PNPLA8: variants seen among roughly 807,000 people sequenced by gnomAD.
PNPLA8 encodes the protein calcium-independent phospholipase A2-gamma.
Under a neutral mutation model 76.9 loss-of-function variants are expected in PNPLA8, and 39 were observed. That is an observed-to-expected ratio of 0.51 (90% CI 0.39 to 0.66). The LOEUF is 0.66. PNPLA8 is among the 30% of genes least tolerant of loss of function. PNPLA8 has a pLI of 0.00. For synonymous variants in PNPLA8, 301 were observed against 307.9 expected (o/e 0.98, Z 0.24); for missense variants, 887 against 918.0 (o/e 0.97, Z 0.44).
intron 10 of PNPLA8, among the ~76,000 whole-genome samples, chr7:108,473,631 C>T (rs1403061608): frequency 6.6e-6 from 1 of 152,194 alleles, no homozygotes; most frequent in Non-Finnish European, 1.5e-5. Context: ...TTTTATTTCC[C>T]TAATGACTAA....
chr7:108,478,246 G>C (rs1223788616), intron 10 of PNPLA8, among the ~76,000 whole-genome samples: 3 of 152,132 alleles, frequency 2.0e-5, no homozygotes, highest in Non-Finnish European at 2.9e-5. Context: ...TATAGAGAGA[G>C]AGTACAGCAA....
intron 5 of PNPLA8, among the ~76,000 whole-genome samples, chr7:108,498,536 G>A (rs1861726218): frequency 6.6e-6 from 1 of 151,574 alleles, no homozygotes; most frequent in South Asian, 2.1e-4. Context: ...GCCTCCCAAA[G>A]TGCTAAGATT....
In PNPLA8 at chr7:108,482,442, G is replaced by A. The variant is rs537086989; in HGVS notation, c.1879-3063C>T. ...AGCTGAGATTGTGCCACTGCACTCC[G>A]GCCTGGGCACCAGAGTGAGACTCTG... is the stretch of plus-strand genomic sequence containing the variant. On this transcript the variant is annotated intron_variant, in intron 9 of 10. Coordinates refer to ENST00000257694, the MANE Select transcript of PNPLA8 (RefSeq NM_001256007.3). Among the ~76,000 whole-genome samples, 21 of 152,224 alleles carry A rather than the reference G, an allele frequency of 1.4e-4. No individual in the cohort carries two copies. The East Asian group carries it at 2.5e-3, about 18-fold the overall frequency.
chr7:108,526,849 A>G (rs1864116487), upstream of PNPLA8, among the ~76,000 whole-genome samples: 1 of 152,240 alleles, frequency 6.6e-6, no homozygotes, highest in Admixed American at 6.5e-5. Flanking sequence ...GTTCTGCTGT[A>G]CTAGGAGCTA....
intron 4 of PNPLA8, among the ~76,000 whole-genome samples, chr7:108,509,727 C>T (rs1386223841): frequency 1.2e-4 from 18 of 150,934 alleles, no homozygotes; most frequent in African/African-American, 2.2e-4. Flanking sequence ...CACATGCACA[C>T]GTATGTTTAT....
At chr7:108,490,965 T>C (rs1031221533) in intron 8 of PNPLA8, among the ~76,000 whole-genome samples, 1 of 152,214 alleles carries the variant, frequency 6.6e-6, no homozygotes, top group Non-Finnish European at 1.5e-5. Flanking sequence ...CTTCATAGAA[T>C]GACTCAATAT....
At chr7:108,503,977 G>GA (rs1862147991) in intron 4 of PNPLA8, among the ~76,000 whole-genome samples, 1 of 152,160 alleles carries the variant, frequency 6.6e-6, no homozygotes, top group South Asian at 2.1e-4. Context: ...GAAGACCTCT[G>GA]AAAATCAGAG....
chr7:108,497,679 G>T, intron 5 of PNPLA8, 102 bp from the exon 6 acceptor site: 1 of 520,148 alleles, frequency 1.9e-6, no homozygotes, highest in Non-Finnish European at 3.2e-6. Context: ...GAGTTTATAT[G>T]CTAACATGAA....
intron 5 of PNPLA8, among the ~76,000 whole-genome samples, chr7:108,497,832 T>G (rs1219729461): frequency 6.6e-6 from 1 of 151,786 alleles, no homozygotes; most frequent in East Asian, 1.9e-4. Context: ...CTCTCTTGTT[T>G]TTTCACTGAA....
chr7:108,517,876 C>A (rs1432677802), intron 2 of PNPLA8, among the ~76,000 whole-genome samples: 1 of 152,158 alleles, frequency 6.6e-6, no homozygotes, highest in Non-Finnish European at 1.5e-5. Flanking sequence ...TGGGCTCGTG[C>A]AATCCACCTG....
chr7:108,485,458 A>T (rs1860680679), intron 9 of PNPLA8, among the ~76,000 whole-genome samples: 1 of 152,156 alleles, frequency 6.6e-6, no homozygotes, highest in South Asian at 2.1e-4. Flanking sequence ...TAGAATATTA[A>T]TTAACCTCTA....
At chr7:108,526,887 TAAAA>T (rs34383036), upstream of PNPLA8, among the ~76,000 whole-genome samples, 1 of 151,664 alleles carries the variant, frequency 6.6e-6, no homozygotes, top group African/African-American at 2.4e-5. Flanking sequence ...TTTCAAAGGT[TAAAA>T]AAAAAGTTTT....
At position 108,504,943 on chromosome 7, in the gene PNPLA8, G is replaced by A. The variant is rs201750782; in HGVS notation, c.1207-2301C>T. Among the ~76,000 whole-genome samples, 40 of 152,152 alleles carry A rather than the reference G, an allele frequency of 2.6e-4. No homozygotes were observed. In the East Asian group the frequency reaches 7.8e-3, roughly 29 times the overall value. The stretch of plus-strand genomic sequence containing the variant: ...AATACAAAACTAGCTGGGCATGGTG[G>A]TGCATGCCTGTAATCCCAGCTACTA... On this transcript the variant is annotated intron_variant, in intron 4 of 10. Coordinates refer to ENST00000257694, the MANE Select transcript of PNPLA8 (RefSeq NM_001256007.3).
rs1328363882 is a variant in PNPLA8, at chr7:108,470,860, TAACA to T, written c.*1537_*1540del. On this transcript the variant is annotated 3_prime_UTR_variant, in exon 11 of 11. Coordinates refer to ENST00000257694, the MANE Select transcript of PNPLA8 (RefSeq NM_001256007.3). ...CTACAGACATTTGCCTTCCTCAAGGTAACAAACAGAAGGGTTCTTGCAGCAAAGG... is the reference window on the plus strand; with the variant it reads ...CTACAGACATTTGCCTTCCTCAAGGTAACAGAAGGGTTCTTGCAGCAAAGG... The T allele has an allele frequency of 1.3e-5, 2 of 152,174 alleles. No individual in the cohort carries two copies. Among genetic ancestry groups the T allele is most frequent in the Non-Finnish European group, 2.9e-5 (2 of 68,028 alleles). 9.4% of individuals were successfully genotyped at this position (152,174 alleles called of 1,614,324 possible).
At chr7:108,492,215 A>T (rs2154515393) in intron 7 of PNPLA8, among the ~76,000 whole-genome samples, 1 of 152,324 alleles carries the variant, frequency 6.6e-6, no homozygotes, top group South Asian at 2.1e-4. Flanking sequence ...ATGTTTCCCA[A>T]CTAGAATATT....
Position 108,472,278 on chromosome 7 carries a change from T to C in PNPLA8, c.*123A>G, listed in dbSNP as rs1859671980. On this transcript the variant is annotated 3_prime_UTR_variant, in exon 11 of 11. Transcript: ENST00000257694. ...CAAGCTGGTTGAAGCACCGTCTTTTTCAGGATTCTCCAGAATTCATACGTA... is the reference window on the plus strand; with the variant it reads ...CAAGCTGGTTGAAGCACCGTCTTTTCCAGGATTCTCCAGAATTCATACGTA... 1.5e-6 allele frequency: 1 copy of C among 682,222 alleles called. No homozygotes were observed. Among genetic ancestry groups the C allele is most frequent in the Non-Finnish European group, 2.5e-6 (1 of 405,172 alleles). 42.3% of individuals were successfully genotyped at this position (682,222 alleles called of 1,614,324 possible).
At chr7:108,506,336 C>T (rs1399766662) in intron 4 of PNPLA8, among the ~76,000 whole-genome samples, 1 of 152,080 alleles carries the variant, frequency 6.6e-6, no homozygotes, top group African/African-American at 2.4e-5. Context: ...CGAGATCGCA[C>T]CACTGCACTC....
intron 1 of PNPLA8, among the ~76,000 whole-genome samples, chr7:108,523,968 G>GA (rs1278175187): frequency 1.3e-5 from 2 of 152,210 alleles, no homozygotes; most frequent in African/African-American, 2.4e-5. Context: ...AAAATACGGA[G>GA]AGTGCCATTT....
chr7:108,490,433 T>G (rs748696259), intron 8 of PNPLA8, among the ~76,000 whole-genome samples: 8 of 152,210 alleles, frequency 5.3e-5, no homozygotes, highest in Non-Finnish European at 1.0e-4. Flanking sequence ...TCCCTATCAT[T>G]AAGTGATGCA....
Sources: gnomAD v4.1 joint callset for allele counts (sites outside exome capture counted in the v4.1 genomes callset) on GRCh38, gnomAD v4.1.1 for gene constraint, MANE v1.5 for transcripts, NCBI Gene and HGNC (gene_info 2026-07-23, HGNC 2026-07-21) for gene names.